The following RP1 variants were observed in gnomAD, a reference collection of about 807,000 sequenced individuals.
RP1 encodes the protein RP1 axonemal microtubule associated, also known as oxygen-regulated protein 1.
Under a neutral mutation model 14.8 loss-of-function variants are expected in RP1, and 16 were observed. That is an observed-to-expected ratio of 1.08 (90% CI 0.73 to 1.65). The LOEUF is 1.65. Among genes scored for constraint, RP1 ranks in the 40% most tolerant of loss-of-function variants. RP1 has a pLI of 0.00. For missense variants in RP1, 2,631 were observed against 2,535.0 expected (o/e 1.04, Z -0.81); for synonymous variants, 876 against 883.6 (o/e 0.99, Z 0.15).
At chr8:54,676,497 T>C (rs958034228) in intron 8 of RP1, among the ~76,000 whole-genome samples, 1 of 152,180 alleles carries the variant, frequency 6.6e-6, no homozygotes, top group African/African-American at 2.4e-5. Flanking sequence ...CAGAGTAGAA[T>C]TGTAGGCAGA....
At chr8:54,570,636 C>CTTT (rs36050577) in intron 1 of RP1, among the ~76,000 whole-genome samples, 2 of 145,198 alleles carry the variant, frequency 1.4e-5, no homozygotes, top group Non-Finnish European at 1.5e-5. Context: ...CCTAGGTAAA[C>CTTT]TTTTTTTTTT....
intron 24 of RP1, among the ~76,000 whole-genome samples, chr8:54,787,445 GC>G (rs1166737941): frequency 6.6e-6 from 1 of 151,974 alleles, no homozygotes; most frequent in Non-Finnish European, 1.5e-5. Flanking sequence ...AATATTGACT[GC>G]TTTATCTAGG....
At chr8:54,670,246 T>A (rs1164598148) in intron 7 of RP1, among the ~76,000 whole-genome samples, 2 of 151,694 alleles carry the variant, frequency 1.3e-5, no homozygotes, top group African/African-American at 2.4e-5. Context: ...TTTTTGGTGG[T>A]TCTGTATATG....
At chr8:54,635,900 A>T (rs756519382) in intron 3 of RP1, among the ~76,000 whole-genome samples, 1 of 152,116 alleles carries the variant, frequency 6.6e-6, no homozygotes, top group Non-Finnish European at 1.5e-5. Flanking sequence ...TAATAAAGGC[A>T]TACACAGTCC....
chr8:54,761,423 G>A (rs575172631), intron 22 of RP1, among the ~76,000 whole-genome samples: 134 of 151,742 alleles, frequency 8.8e-4, no homozygotes, highest in African/African-American at 3.2e-3. Context: ...TTTTAGTTGA[G>A]ACAGGGTTTC....
intron 24 of RP1, among the ~76,000 whole-genome samples, chr8:54,807,675 T>C (rs1164228376): frequency 1.8e-5 from 2 of 113,742 alleles, no homozygotes; most frequent in East Asian, 6.5e-4. Flanking sequence ...TCTATCTATC[T>C]ATTTATCTAT....
At chr8:54,866,181 C>A (rs1812454573) in intron 28 of RP1, among the ~76,000 whole-genome samples, 1 of 152,128 alleles carries the variant, frequency 6.6e-6, no homozygotes, top group African/African-American at 2.4e-5. Context: ...AAAACAGGTT[C>A]TTCTTTCTGT....
intron 1 of RP1, among the ~76,000 whole-genome samples, chr8:54,581,634 T>C (rs1804793807): frequency 6.6e-6 from 1 of 152,186 alleles, no homozygotes; most frequent in African/African-American, 2.4e-5. Flanking sequence ...AGTGTAAAAC[T>C]ATTCCTATTT....
At chr8:54,710,919 C>T (rs993381927) in intron 15 of RP1, among the ~76,000 whole-genome samples, 8 of 152,076 alleles carry the variant, frequency 5.3e-5, no homozygotes, top group African/African-American at 7.2e-5. Context: ...AGGAGAGAGC[C>T]GACACACAAG....
chr8:54,795,358 C>T (rs1400729889), intron 24 of RP1, among the ~76,000 whole-genome samples: 1 of 151,982 alleles, frequency 6.6e-6, no homozygotes, highest in African/African-American at 2.4e-5. Flanking sequence ...AATAGATAAA[C>T]ATAAATAAAG....
At chr8:54,726,597 C>G in intron 17 of RP1, 1 of 1,017,098 alleles carries the variant, frequency 9.8e-7, no homozygotes, top group Non-Finnish European at 1.3e-6. Context: ...ACCACATGGA[C>G]TGCTTGTAAG....
chr8:54,774,808 TCAC>T (rs1809994084), downstream of RP1, among the ~76,000 whole-genome samples: 2 of 152,216 alleles, frequency 1.3e-5, no homozygotes, highest in South Asian at 4.1e-4. Context: ...TGCAGAAACA[TCAC>T]CATCAAAAGC....
chr8:54,584,845 T>C (rs1249742470), intron 1 of RP1, among the ~76,000 whole-genome samples: 1 of 152,220 alleles, frequency 6.6e-6, no homozygotes, highest in African/African-American at 2.4e-5. Context: ...TGGTTTTCCA[T>C]TTGCTTGGTA....
At chr8:54,696,097 C>G (rs1405816778) in intron 12 of RP1, among the ~76,000 whole-genome samples, 9 of 151,994 alleles carry the variant, frequency 5.9e-5, no homozygotes. Context: ...TTATTCTTAA[C>G]TAAAAGTGTT....
chr8:54,779,098 C>T lies in RP1; in HGVS notation c.3452-4449C>T, dbSNP rs141414954. 7.0e-3 allele frequency among the ~76,000 whole-genome samples: 1,062 copies of T among 152,254 alleles called. 51 individuals are homozygous for T. Among genetic ancestry groups the T allele is most frequent in the Admixed American group, 0.062 (955 of 15,286 alleles). Reference sequence around the variant, plus strand: ...TCCCTGTCACAACCCTCGACTTCTCCGCCAAGTAAGAAACAAACAAACATT... The same window carrying T: ...TCCCTGTCACAACCCTCGACTTCTCTGCCAAGTAAGAAACAAACAAACATT... On this transcript the variant is annotated intron_variant, in intron 23 of 28. Coordinates refer to the RP1 transcript ENST00000637698.
chr8:54,819,612 G>A (rs142298554), intron 24 of RP1, among the ~76,000 whole-genome samples: 28 of 152,224 alleles, frequency 1.8e-4, no homozygotes, highest in African/African-American at 6.5e-4. Context: ...TTTAAGAGAA[G>A]GCTCTCCAGG....
chr8:54,638,731 T>G (rs955976935), intron 3 of RP1, among the ~76,000 whole-genome samples: 1 of 152,146 alleles, frequency 6.6e-6, no homozygotes, highest in African/African-American at 2.4e-5. Context: ...AGGCATTCAG[T>G]ACCCGTATCC....
At chr8:54,726,277 A>G in intron 16 of RP1, 1 of 1,456,286 alleles carries the variant, frequency 6.9e-7, no homozygotes, top group South Asian at 1.4e-5. Context: ...AGCTGAACAT[A>G]TGATGAGTAT....
At chr8:54,789,471 T>G (rs988071865) in intron 24 of RP1, among the ~76,000 whole-genome samples, 4 of 152,060 alleles carry the variant, frequency 2.6e-5, no homozygotes, top group Non-Finnish European at 5.9e-5. Context: ...ACCCAGCCTG[T>G]GATTCCACCA....
Sources: allele counts gnomAD v4.1 joint callset (sites outside exome capture counted in the v4.1 genomes callset), GRCh38; gene constraint gnomAD v4.1.1; transcripts MANE v1.5; gene names NCBI Gene and HGNC (gene_info 2026-07-23, HGNC 2026-07-21).